The following PLEKHA4 variants were observed in gnomAD, a reference collection of about 807,000 sequenced individuals.
PLEKHA4 encodes pleckstrin homology domain-containing family A member 4.
Under a neutral mutation model 94.7 loss-of-function variants are expected in PLEKHA4, and 73 were observed. That is an observed-to-expected ratio of 0.77 (90% CI 0.64 to 0.94). PLEKHA4 has a LOEUF of 0.94. Ranked by LOEUF, PLEKHA4 falls within the 40% of genes least tolerant of loss-of-function variation. The probability of loss-of-function intolerance (pLI) is 0.00; values close to 1 mark genes in which losing one functional copy is unlikely to be tolerated. For missense variants in PLEKHA4, 1,049 were observed against 1,054.1 expected (o/e 1.00, Z 0.07); for synonymous variants, 449 against 437.1 (o/e 1.03, Z -0.34).
intron 16 of PLEKHA4, 43 bp from the exon 17 acceptor site, chr19:48,841,353 G>C (rs766789945): frequency 1.9e-6 from 3 of 1,547,744 alleles, no homozygotes; most frequent in Non-Finnish European, 2.6e-6. Flanking sequence ...CTTTAGGCCA[G>C]GCACAGTGGC....
intron 13 of PLEKHA4, among the ~76,000 whole-genome samples, chr19:48,850,787 G>A (rs925097709): frequency 1.3e-5 from 2 of 150,134 alleles, no homozygotes; most frequent in African/African-American, 2.5e-5. Flanking sequence ...ATTGCACTCC[G>A]GTCTGGGCAA....
At chr19:48,861,193 G>A (rs1293325089) in intron 5 of PLEKHA4, among the ~76,000 whole-genome samples, 2 of 152,202 alleles carry the variant, frequency 1.3e-5, no homozygotes, top group East Asian at 1.9e-4. Flanking sequence ...GGGTGACAGA[G>A]AGAGACTCTG....
Position 48,837,306 on chromosome 19 carries a change from G to C in PLEKHA4, c.2323C>G (p.Leu775Val). 1 of 1,614,010 alleles carries C rather than the reference G, an allele frequency of 6.2e-7. No individual in the cohort carries two copies. The highest frequency in any genetic ancestry group is 1.1e-5 in the South Asian group (1 of 91,088). ...TGGGCGGATTAGAAGCTGGATTGTA[G>C]CAGAGTGACTCGCAGAGGCCATGCC... ...EGAWPLRVTL[L>V]QSSF Residue 775 changes from leucine to valine, a missense_variant, in exon 20 of 20, where the codon CTA (leucine) becomes GTA (valine). Transcript: ENST00000263265. This position sits in a 1 kb window ranked among gnomAD's most constrained non-coding sequence, Gnocchi z 4.3.
At chr19:48,847,453 T>C (rs1439199205) in intron 14 of PLEKHA4, among the ~76,000 whole-genome samples, 1 of 151,720 alleles carries the variant, frequency 6.6e-6, no homozygotes, top group Non-Finnish European at 1.5e-5. Context: ...AAATCCTGGT[T>C]GGGCGAGGTG....
At chr19:48,859,735 C>T in intron 6 of PLEKHA4, 51 bp from the exon 7 acceptor site, 1 of 1,513,336 alleles carries the variant, frequency 6.6e-7, no homozygotes, top group Admixed American at 1.8e-5. Context: ...TCATAACAGC[C>T]CTATTCTCTT....
chr19:48,862,126 G>A (rs373316470), intron 3 of PLEKHA4, among the ~76,000 whole-genome samples: 7 of 152,010 alleles, frequency 4.6e-5, no homozygotes, highest in African/African-American at 1.7e-4. Flanking sequence ...GGGCAATGGA[G>A]TGGATAAGAA....
intron 16 of PLEKHA4, among the ~76,000 whole-genome samples, chr19:48,843,698 C>T (rs1257230414): frequency 6.6e-6 from 1 of 151,940 alleles, no homozygotes; most frequent in Non-Finnish European, 1.5e-5. Flanking sequence ...TGCTCTGTCA[C>T]CCAGGCTGGA....
chr19:48,840,072 T>C (rs67286688), intron 17 of PLEKHA4, among the ~76,000 whole-genome samples: 25,557 of 151,400 alleles, frequency 0.17, 2,389 homozygotes, highest in African/African-American at 0.24. Flanking sequence ...TCCACCACTA[T>C]ACTCCATCAT....
At chr19:48,839,338 G>A (rs1447692749) in intron 17 of PLEKHA4, 75 bp from the exon 18 acceptor site, 34 of 1,012,470 alleles carry the variant, frequency 3.4e-5, no homozygotes, top group African/African-American at 6.5e-5. Flanking sequence ...AAGTGAAGGG[G>A]GCTCCAAAAG....
chr19:48,849,307 G>GGTT (rs781611408), intron 13 of PLEKHA4, among the ~76,000 whole-genome samples: 2 of 151,562 alleles, frequency 1.3e-5, no homozygotes, highest in Non-Finnish European at 2.9e-5. Context: ...TGTTTTTTGG[G>GGTT]GTTGTTGTTG....
At chr19:48,854,589 G>T (rs980820816) in intron 9 of PLEKHA4, among the ~76,000 whole-genome samples, 1 of 150,896 alleles carries the variant, frequency 6.6e-6, no homozygotes, top group Non-Finnish European at 1.5e-5. Flanking sequence ...ATGGGGTTTT[G>T]CCATGTTGCC....
At chr19:48,861,946 C>T (rs2036657159) in intron 3 of PLEKHA4, among the ~76,000 whole-genome samples, 1 of 151,416 alleles carries the variant, frequency 6.6e-6, no homozygotes. Flanking sequence ...GGTAACATGG[C>T]GAAACCCCAT....
intron 14 of PLEKHA4, among the ~76,000 whole-genome samples, chr19:48,845,925 C>T (rs964031222): frequency 8.1e-5 from 12 of 147,296 alleles, no homozygotes; most frequent in Non-Finnish European, 1.5e-5. Context: ...GCAGAAGAAT[C>T]GCTTGAACTC....
Position 48,837,311 on chromosome 19 carries a change from G to C in PLEKHA4, c.2318C>G (p.Thr773Ser). The C allele has an allele frequency of 6.2e-7, 1 of 1,613,986 alleles. No homozygotes were observed. Among genetic ancestry groups the C allele is most frequent in the African/African-American group, 1.3e-5 (1 of 75,042 alleles). The change falls in exon 20 of 20, where the codon ACT becomes AGT. Residue 773 changes from threonine to serine, a missense_variant. By Grantham distance (58) the Thr-to-Ser change is moderately conservative. Coordinates refer to ENST00000263265, the MANE Select transcript of PLEKHA4 (RefSeq NM_020904.3). The surrounding 1 kb of genome is among the most constrained non-coding windows in gnomAD (Gnocchi z 4.3). ...QDEGAWPLRV[T>S]LLQSSF ...GGATTAGAAGCTGGATTGTAGCAGA[G>C]TGACTCGCAGAGGCCATGCCCCCTC...
chr19:48,856,478 G>A (rs2036414245), intron 9 of PLEKHA4, among the ~76,000 whole-genome samples: 1 of 151,944 alleles, frequency 6.6e-6, no homozygotes, highest in Non-Finnish European at 1.5e-5. Context: ...CCAGCACTTT[G>A]GGAGGCCGAG....
rs113413515 is a variant in PLEKHA4, at chr19:48,860,294, A to G, written c.476+56T>C. The G allele has an allele frequency of 1.3e-3, 1,873 of 1,463,972 alleles. 23 individuals are homozygous for G. The African/African-American group carries it at 0.022, about 17-fold the overall frequency. The allele number at this position is 1,463,972 out of a possible 1,614,324, so 90.7% of individuals were successfully genotyped here. On this transcript the variant is annotated intron_variant, in intron 6 of 19. Transcript: ENST00000263265. ...AGGGCCCCAAAGGGGAGGAGTTGGG[A>G]TGACGAGACTGACTCAGGGTGGAGG...
chr19:48,848,213 G>C (rs961650376), intron 13 of PLEKHA4, among the ~76,000 whole-genome samples, 173 bp from the exon 14 acceptor site: 3 of 152,178 alleles, frequency 2.0e-5, no homozygotes, highest in African/African-American at 7.2e-5. Context: ...TTGGCTGGGC[G>C]CGGTGGCTCA....
In PLEKHA4 at chr19:48,859,286, C is replaced by T. The variant is rs2036547611; in HGVS notation, c.693-147G>A. The T allele has an allele frequency of 6.7e-6, 6 of 901,308 alleles. No homozygotes were observed. The South Asian group carries it at 7.5e-5, about 11-fold the overall frequency. 55.8% of individuals were successfully genotyped at this position (901,308 alleles called of 1,614,324 possible). A position where few individuals can be genotyped will look rare whatever the true frequency, so the allele number is the denominator to read the frequency against. ...TAGAATCCTCCTCTACTGTCCAAAT[C>T]CTCAGTAATGTCCGCTTTGTGGCAT... On this transcript the variant is annotated intron_variant, in intron 7 of 19. Transcript: ENST00000263265.
intron 8 of PLEKHA4, among the ~76,000 whole-genome samples, chr19:48,858,447 T>C (rs1226057192): frequency 6.6e-6 from 1 of 151,756 alleles, no homozygotes; most frequent in Non-Finnish European, 1.5e-5. Context: ...GTCAACATGG[T>C]GAAACCTCAT....
Sources: gnomAD v4.1 joint callset for allele counts (sites outside exome capture counted in the v4.1 genomes callset) on GRCh38, gnomAD v4.1.1 for gene constraint, Gnocchi (gnomAD v3.1) non-coding constraint, MANE v1.5 for transcripts, NCBI Gene and HGNC (gene_info 2026-07-23, HGNC 2026-07-21) for gene names.